RBPMS: variants seen among roughly 807,000 people sequenced by gnomAD.
RBPMS encodes the protein RNA-binding protein with multiple splicing.
A neutral mutation model predicts 26.8 loss-of-function variants in RBPMS; 7 were observed. That is an observed-to-expected ratio of 0.26 (90% CI 0.15 to 0.49). The LOEUF is 0.49. Among genes scored for constraint, RBPMS ranks in the 20% least tolerant of loss-of-function variants. The probability of loss-of-function intolerance (pLI) is 0.98; values close to 1 mark genes in which losing one functional copy is unlikely to be tolerated. For synonymous variants in RBPMS, 96 were observed against 93.3 expected (o/e 1.03, Z -0.17); for missense variants, 186 against 250.0 (o/e 0.74, Z 1.73).
At chr8:30,470,981 T>G (rs1460782287) in intron 1 of RBPMS, among the ~76,000 whole-genome samples, 1 of 152,186 alleles carries the variant, frequency 6.6e-6, no homozygotes. Flanking sequence ...GATACAAATA[T>G]TGACTTTGTT....
At position 30,513,587 on chromosome 8, in the gene RBPMS, C is replaced by CAAAA. The variant is rs56184994; in HGVS notation, c.397+9176_397+9179dup. Among the ~76,000 whole-genome samples the CAAAA allele has an allele frequency of 5.6e-4, 61 of 108,500 alleles. 3 individuals are homozygous for CAAAA. The highest frequency in any genetic ancestry group is 1.4e-3 in the Admixed American group (14 of 10,096). 71.2% of individuals were successfully genotyped at this position (108,500 alleles called of 152,430 possible). ...TGGGCGACACAGCGAGACTCCATCTCAAAAAAAAAAAAAAAAAAAAAAAAA... is the reference window on the plus strand; with the variant it reads ...TGGGCGACACAGCGAGACTCCATCTCAAAAAAAAAAAAAAAAAAAAAAAAAAAAA... On this transcript the variant is annotated intron_variant, in intron 5 of 8. Coordinates refer to ENST00000397323, the MANE Select transcript of RBPMS (RefSeq NM_001008710.3).
At chr8:30,455,370 C>G (rs1005745069) in intron 1 of RBPMS, among the ~76,000 whole-genome samples, 1 of 151,940 alleles carries the variant, frequency 6.6e-6, no homozygotes, top group Non-Finnish European at 1.5e-5. Context: ...AATGAGATAC[C>G]TTGCCTACTC....
chr8:30,563,541 C>T (rs952684498), intron 7 of RBPMS, among the ~76,000 whole-genome samples: 3 of 152,164 alleles, frequency 2.0e-5, no homozygotes, highest in African/African-American at 7.2e-5. Flanking sequence ...TGAAATTTTC[C>T]TGGCCATGGA....
intron 1 of RBPMS, among the ~76,000 whole-genome samples, chr8:30,417,322 A>T (rs2915614): frequency 0.18 from 26,797 of 152,030 alleles, 6,000 homozygotes; most frequent in African/African-American, 0.52. Context: ...TTTTTCTTAG[A>T]GCCTTCATGG....
rs59577795 is a variant in RBPMS, at chr8:30,450,787, C to CAAA, written c.67-23971_67-23969dup. On this transcript the variant is annotated intron_variant, in intron 1 of 8. Coordinates refer to ENST00000397323, the MANE Select transcript of RBPMS (RefSeq NM_001008710.3). ...CTTTTGGTTTCCCACTGCCTGAAAG[C>CAAA]AAAAAAAAAAAAAAAAAAAAAAAGT... 5.6e-4 allele frequency among the ~76,000 whole-genome samples: 49 copies of CAAA among 87,374 alleles called. 4 individuals are homozygous for CAAA. The highest frequency in any genetic ancestry group is 1.1e-3 in the African/African-American group (25 of 22,646). 57.3% of individuals were successfully genotyped at this position (87,374 alleles called of 152,430 possible). A position where few individuals can be genotyped will look rare whatever the true frequency, so the allele number is the denominator to read the frequency against.
intron 5 of RBPMS, among the ~76,000 whole-genome samples, chr8:30,524,789 T>C (rs1168822049): frequency 2.6e-5 from 4 of 152,180 alleles, no homozygotes; most frequent in Non-Finnish European, 5.9e-5. Context: ...ACCTTTTGTA[T>C]TTTTCAAAAT....
chr8:30,478,329 T>C (rs1164158903), intron 3 of RBPMS, among the ~76,000 whole-genome samples: 2 of 151,966 alleles, frequency 1.3e-5, no homozygotes, highest in African/African-American at 2.4e-5. Flanking sequence ...TGTAGCTATA[T>C]ACTTTTTTTT....
rs532886873 is a variant in RBPMS, at chr8:30,489,967, C to T, written c.246+10590C>T. Reference sequence around the variant, plus strand: ...CTGGGACTACAGGCACCCGCCACCACGCCCGGCTAATTTTTTTGTATTTTT... The same window carrying T: ...CTGGGACTACAGGCACCCGCCACCATGCCCGGCTAATTTTTTTGTATTTTT... On this transcript the variant is annotated intron_variant, in intron 4 of 8. Coordinates refer to ENST00000397323, the MANE Select transcript of RBPMS (RefSeq NM_001008710.3). Among the ~76,000 whole-genome samples the T allele has an allele frequency of 2.1e-3, 319 of 152,146 alleles. 2 individuals carry two copies. Among genetic ancestry groups the T allele is most frequent in the African/African-American group, 7.4e-3 (307 of 41,496 alleles).
intron 6 of RBPMS, chr8:30,547,382 T>C (rs1392628678): frequency 1.2e-6 from 2 of 1,613,312 alleles, no homozygotes; most frequent in South Asian, 1.1e-5. Flanking sequence ...GTTTGTAACA[T>C]ACCAACCTAC....
chr8:30,546,971 T>C (rs912537338), intron 6 of RBPMS, among the ~76,000 whole-genome samples: 8 of 152,200 alleles, frequency 5.3e-5, no homozygotes, highest in Non-Finnish European at 4.4e-5. Context: ...CACAGACTTA[T>C]TCTTTAATGG....
intron 6 of RBPMS, chr8:30,556,624 C>T (rs1475102654): frequency 5.1e-6 from 5 of 986,086 alleles, no homozygotes; most frequent in East Asian, 1.1e-4. Flanking sequence ...TGACCCAGTG[C>T]ACACAGACCC....
chr8:30,502,803 C>CT (rs1820696020), intron 4 of RBPMS, among the ~76,000 whole-genome samples: 1 of 152,180 alleles, frequency 6.6e-6, no homozygotes. Context: ...TGCAGCTTTG[C>CT]TTTTTGTTTT....
At chr8:30,432,933 G>T (rs962180176) in intron 1 of RBPMS, among the ~76,000 whole-genome samples, 1 of 152,196 alleles carries the variant, frequency 6.6e-6, no homozygotes, top group Non-Finnish European at 1.5e-5. Flanking sequence ...ATCACACAGG[G>T]TCTGGAAGCA....
chr8:30,491,036 G>A (rs909416624), intron 4 of RBPMS, among the ~76,000 whole-genome samples: 7 of 152,032 alleles, frequency 4.6e-5, no homozygotes, highest in African/African-American at 7.3e-5. Context: ...GTGTGTTAGA[G>A]GTGTTTTAAA....
At chr8:30,429,523 A>C (rs1324357661) in intron 1 of RBPMS, among the ~76,000 whole-genome samples, 1 of 152,220 alleles carries the variant, frequency 6.6e-6, no homozygotes, top group Non-Finnish European at 1.5e-5. Context: ...ATTGATATAC[A>C]TGCCCCCAAA....
At chr8:30,549,062 C>T (rs542608117) in intron 6 of RBPMS, among the ~76,000 whole-genome samples, 1 of 152,312 alleles carries the variant, frequency 6.6e-6, no homozygotes, top group African/African-American at 2.4e-5. Context: ...GGGAGGCTCA[C>T]AAGGCAAGGA....
At chr8:30,439,513 C>T (rs1035101253) in intron 1 of RBPMS, among the ~76,000 whole-genome samples, 1 of 152,164 alleles carries the variant, frequency 6.6e-6, no homozygotes, top group Admixed American at 6.5e-5. Flanking sequence ...AGAAGGAATG[C>T]GGTGAGCAAA....
chr8:30,514,529 T>C (rs1035273533), intron 5 of RBPMS, among the ~76,000 whole-genome samples: 2 of 151,902 alleles, frequency 1.3e-5, no homozygotes, highest in Non-Finnish European at 2.9e-5. Context: ...TCCCAACAGA[T>C]TGGTGGTGAT....
intron 1 of RBPMS, among the ~76,000 whole-genome samples, chr8:30,412,205 G>C (rs1320006962): frequency 6.6e-6 from 1 of 152,184 alleles, no homozygotes; most frequent in Admixed American, 6.5e-5. Context: ...GGAACTGATA[G>C]TAGCAGGGCT....
Sources: allele counts gnomAD v4.1 joint callset (sites outside exome capture counted in the v4.1 genomes callset), GRCh38; gene constraint gnomAD v4.1.1; transcripts MANE v1.5; gene names NCBI Gene and HGNC (gene_info 2026-07-23, HGNC 2026-07-21).